Variants in SMYD3 observed in about 807,000 individuals in gnomAD.
SMYD3 encodes the protein SET and MYND domain containing 3.
Under a neutral mutation model 57.7 loss-of-function variants are expected in SMYD3, and 36 were observed. The ratio of observed to expected loss-of-function variants is 0.62; its 90% CI spans 0.48 to 0.82. The LOEUF is 0.82. Among genes scored for constraint, SMYD3 ranks in the 40% least tolerant of loss-of-function variants. SMYD3 has a pLI of 0.00. For synonymous variants in SMYD3, 211 were observed against 195.0 expected (o/e 1.08, Z -0.68); for missense variants, 515 against 538.8 (o/e 0.96, Z 0.44).
chr1:246,269,537 T>C (rs1478486428), intron 5 of SMYD3, among the ~76,000 whole-genome samples: 1 of 129,678 alleles, frequency 7.7e-6, no homozygotes, highest in Non-Finnish European at 1.7e-5. Flanking sequence ...CTGTTTCTTT[T>C]TTTTTCTTTT....
intron 5 of SMYD3, among the ~76,000 whole-genome samples, chr1:246,050,039 G>C (rs2185073): frequency 1.3e-5 from 2 of 152,042 alleles, no homozygotes; most frequent in African/African-American, 2.4e-5. Flanking sequence ...ACTAGTGAAC[G>C]CATTAATATA....
chr1:245,847,470 C>T (rs55870753), intron 10 of SMYD3, among the ~76,000 whole-genome samples: 54 of 152,336 alleles, frequency 3.5e-4, no homozygotes, highest in Admixed American at 1.2e-3. Context: ...GTGTCCTTTA[C>T]ATAAAATTAA....
At chr1:246,258,264 T>G (rs2063935043) in intron 5 of SMYD3, among the ~76,000 whole-genome samples, 1 of 152,122 alleles carries the variant, frequency 6.6e-6, no homozygotes, top group African/African-American at 2.4e-5. Flanking sequence ...CTCAAACTCC[T>G]GACCTCGTGA....
At chr1:245,852,379 C>CA (rs1399645174) in intron 10 of SMYD3, among the ~76,000 whole-genome samples, 2 of 152,290 alleles carry the variant, frequency 1.3e-5, no homozygotes, top group African/African-American at 4.8e-5. Flanking sequence ...GGTCTTTACC[C>CA]AAACGTACAG....
At chr1:246,012,687 C>T (rs1263640527) in intron 5 of SMYD3, among the ~76,000 whole-genome samples, 1 of 152,206 alleles carries the variant, frequency 6.6e-6, no homozygotes, top group Non-Finnish European at 1.5e-5. Flanking sequence ...AGTCTATGCA[C>T]AGGCATCATT....
chr1:246,113,288 T>C (rs1031303711), intron 5 of SMYD3, among the ~76,000 whole-genome samples: 3 of 152,066 alleles, frequency 2.0e-5, no homozygotes, highest in Non-Finnish European at 1.5e-5. Context: ...AAGGGAAATA[T>C]ACCTTTTAAG....
At chr1:246,387,569 C>A (rs944407461) in intron 1 of SMYD3, among the ~76,000 whole-genome samples, 1 of 152,072 alleles carries the variant, frequency 6.6e-6, no homozygotes, top group African/African-American at 2.4e-5. Flanking sequence ...AGCATAAGGA[C>A]AATTAATCTG....
rs1435020174 is a variant in SMYD3, at chr1:246,097,576, C to CA, written c.532-167640dup. On this transcript the variant is annotated intron_variant, in intron 5 of 11. Coordinates refer to ENST00000490107, the MANE Select transcript of SMYD3 (RefSeq NM_001167740.2). ...TCCAGAGTTCTCAGATAGACCTGTC[C>CA]AAAACCTCTCATTCCTTTGTTCCAA... Among the ~76,000 whole-genome samples the CA allele has an allele frequency of 2.6e-5, 4 of 152,046 alleles. No individual in the cohort carries two copies. The East Asian group carries it at 7.7e-4, about 29-fold the overall frequency.
intron 1 of SMYD3, among the ~76,000 whole-genome samples, chr1:246,439,544 A>G (rs917013240): frequency 2.6e-5 from 4 of 152,156 alleles, no homozygotes; most frequent in African/African-American, 9.7e-5. Flanking sequence ...GTATTTTAGC[A>G]TGGGGCCTGT....
intron 5 of SMYD3, among the ~76,000 whole-genome samples, chr1:246,169,395 A>AAAAC (rs1182586322): frequency 0.027 from 4,011 of 148,978 alleles, 238 homozygotes; most frequent in African/African-American, 0.096. Flanking sequence ...AAAAAAAAAA[A>AAAAC]AAAAAAAAAC....
At chr1:246,328,008 A>G (rs1255538519) in intron 4 of SMYD3, among the ~76,000 whole-genome samples, 1 of 152,194 alleles carries the variant, frequency 6.6e-6, no homozygotes, top group Non-Finnish European at 1.5e-5. Context: ...AGCCTGGCCA[A>G]CATGGTGGAA....
intron 8 of SMYD3, among the ~76,000 whole-genome samples, chr1:245,877,389 C>G (rs1004532601): frequency 6.6e-6 from 1 of 152,292 alleles, no homozygotes; most frequent in African/African-American, 2.4e-5. Flanking sequence ...TGAATTTGAT[C>G]CTGCATGGGC....
chr1:246,384,186 T>TTA (rs1471892939), intron 1 of SMYD3, among the ~76,000 whole-genome samples: 14 of 152,220 alleles, frequency 9.2e-5, no homozygotes, highest in African/African-American at 3.4e-4. Context: ...GAGAGATAAT[T>TTA]ATCCTTCAGA....
intron 2 of SMYD3, among the ~76,000 whole-genome samples, chr1:246,351,712 T>C (rs1176189576): frequency 6.6e-6 from 1 of 152,196 alleles, no homozygotes; most frequent in Non-Finnish European, 1.5e-5. Flanking sequence ...TAGACACATA[T>C]GGATTATCTC....
intron 1 of SMYD3, among the ~76,000 whole-genome samples, chr1:246,460,494 A>T (rs946937108): frequency 1.3e-5 from 2 of 152,232 alleles, no homozygotes; most frequent in African/African-American, 4.8e-5. Context: ...ATTATTTTCT[A>T]CAGCTTTTGT....
chr1:246,446,632 T>A (rs996564324), intron 1 of SMYD3, among the ~76,000 whole-genome samples: 5 of 152,188 alleles, frequency 3.3e-5, no homozygotes, highest in African/African-American at 1.2e-4. Flanking sequence ...ACGATTTAAA[T>A]AGGTACCATA....
At chr1:245,758,283 T>C (rs1384065333) in intron 11 of SMYD3, among the ~76,000 whole-genome samples, 5 of 152,216 alleles carry the variant, frequency 3.3e-5, no homozygotes. Flanking sequence ...TAACATTTTT[T>C]GGTGTGTGTG....
At chr1:246,131,102 C>T (rs2061580365) in intron 5 of SMYD3, among the ~76,000 whole-genome samples, 1 of 152,170 alleles carries the variant, frequency 6.6e-6, no homozygotes, top group African/African-American at 2.4e-5. Flanking sequence ...AAAATCAGCA[C>T]ATGTTCTACT....
intron 5 of SMYD3, among the ~76,000 whole-genome samples, chr1:246,294,059 T>C (rs2064748097): frequency 6.6e-6 from 1 of 152,216 alleles, no homozygotes; most frequent in Non-Finnish European, 1.5e-5. Flanking sequence ...TCGCCTTTGC[T>C]GGCTTCTCTT....
Sources: allele counts gnomAD v4.1 joint callset (sites outside exome capture counted in the v4.1 genomes callset), GRCh38; gene constraint gnomAD v4.1.1; transcripts MANE v1.5; gene names NCBI Gene and HGNC (gene_info 2026-07-23, HGNC 2026-07-21).